Variants in ARL2 observed in about 807,000 individuals in gnomAD.
ARL2 encodes ADP-ribosylation factor-like protein 2.
A neutral mutation model predicts 22.0 loss-of-function variants in ARL2; 11 were observed. That is an observed-to-expected ratio of 0.50 (90% CI 0.31 to 0.83). The LOEUF (loss-of-function observed/expected upper bound fraction) is 0.83. Among genes scored for constraint, ARL2 ranks in the 40% least tolerant of loss-of-function variants. ARL2 has a pLI of 0.04. For missense variants in ARL2, 216 were observed against 243.2 expected (o/e 0.89, Z 0.74); for synonymous variants, 111 against 100.8 (o/e 1.10, Z -0.61).
At chr11:65,019,094 G>T (rs1590731238) in intron 3 of ARL2, 1 of 502,886 alleles carries the variant, frequency 2.0e-6, no homozygotes, top group East Asian at 6.6e-5. Flanking sequence ...GACCTCAGCT[G>T]GGGGTGGTGG....
rs558204819 is a variant in ARL2 at position 65,018,022 on chromosome 11, C to T, written c.66-342C>T. 3.3e-5 allele frequency among the ~76,000 whole-genome samples: 5 copies of T among 152,316 alleles called. No homozygotes were observed. The highest frequency in any genetic ancestry group is 9.6e-5 in the African/African-American group (4 of 41,560). On this transcript the variant is annotated intron_variant, in intron 1 of 4. Coordinates refer to ENST00000246747, the MANE Select transcript of ARL2 (RefSeq NM_001667.4). The surrounding 1 kb of genome is among the most constrained non-coding windows in gnomAD (Gnocchi z 4.2). ...GAAAGCCTCTCTGTTGTGTTGATGG[C>T]GCTAGCCGGGATCTGGCAGGGCCTT...
At chr11:65,016,281 A>C (rs1436316788) in intron 1 of ARL2, among the ~76,000 whole-genome samples, 1 of 143,308 alleles carries the variant, frequency 7.0e-6, no homozygotes, top group African/African-American at 2.6e-5. Flanking sequence ...GGGGGGGGGA[A>C]ACTTTAAAGC....
At chr11:65,021,506 AAG>A (rs1240134506) in intron 4 of ARL2, 3 of 502,490 alleles carry the variant, frequency 6.0e-6, no homozygotes, top group African/African-American at 5.7e-5. Flanking sequence ...TTACATCACT[AAG>A]GGGCAGCACT....
intron 1 of ARL2, among the ~76,000 whole-genome samples, 170 bp downstream of exon 1, chr11:65,014,442 C>T (rs1296905413): frequency 6.6e-6 from 1 of 152,174 alleles, no homozygotes; most frequent in African/African-American, 2.4e-5. Context: ...AGCCGCACCC[C>T]AGGACTGGGG....
chr11:65,015,612 C>T (rs548223069), intron 1 of ARL2, among the ~76,000 whole-genome samples: 1 of 152,122 alleles, frequency 6.6e-6, no homozygotes, highest in African/African-American at 2.4e-5. Flanking sequence ...GATGATAACA[C>T]AGGAAGTAAG....
chr11:65,021,668 C>A, intron 4 of ARL2, 53 bp from the exon 5 acceptor site: 1 of 1,543,216 alleles, frequency 6.5e-7, no homozygotes, highest in Non-Finnish European at 8.7e-7. Flanking sequence ...GGGCTGACGG[C>A]AGGCAGGGTC....
At chr11:65,016,029 A>C (rs1222022543) in intron 1 of ARL2, among the ~76,000 whole-genome samples, 5 of 152,016 alleles carry the variant, frequency 3.3e-5, no homozygotes, top group African/African-American at 1.2e-4. Context: ...CAACATGGTG[A>C]AATCCCGTCT....
At chr11:65,017,934 G>T (rs1034619050) in intron 1 of ARL2, among the ~76,000 whole-genome samples, 29 of 152,244 alleles carry the variant, frequency 1.9e-4, no homozygotes, top group African/African-American at 7.0e-4. Context: ...CTCAGCTCCA[G>T]ACACCTCAGA....
At chr11:65,015,756 A>G (rs1437787361) in intron 1 of ARL2, among the ~76,000 whole-genome samples, 1 of 152,088 alleles carries the variant, frequency 6.6e-6, no homozygotes, top group Non-Finnish European at 1.5e-5. Flanking sequence ...CTCTGTCTCT[A>G]TTTATACATA....
intron 4 of ARL2, 40 bp from the exon 5 acceptor site, chr11:65,021,681 C>A: frequency 6.4e-7 from 1 of 1,566,450 alleles, no homozygotes; most frequent in Non-Finnish European, 8.7e-7. Flanking sequence ...GCAGGGTCTG[C>A]AGTCACTGGC....
chr11:65,018,218 A>G lies in ARL2; in HGVS notation c.66-146A>G. On this transcript the variant is annotated intron_variant, in intron 1 of 4. Coordinates refer to ENST00000246747, the MANE Select transcript of ARL2 (RefSeq NM_001667.4). This position sits in a 1 kb window ranked among gnomAD's most constrained non-coding sequence, Gnocchi z 4.2. ...ATGATATTTATAATTTGATACTTTCATATTTATTGTGGGCCGATTATGGTC... is the reference window on the plus strand; with the variant it reads ...ATGATATTTATAATTTGATACTTTCGTATTTATTGTGGGCCGATTATGGTC... 1.6e-6 allele frequency: 1 copy of G among 644,874 alleles called. No individual in the cohort carries two copies. Among genetic ancestry groups the G allele is most frequent in the South Asian group, 2.0e-5 (1 of 50,702 alleles). The allele number at this position is 644,874 out of a possible 1,614,324, so 39.9% of individuals were successfully genotyped here.
Position 65,021,981 on chromosome 11 carries a change from C to A in ARL2, c.*126C>A. ...CCTCCTCCACCCCAGCCTGCTGCTG[C>A]TACTGCTGCCCGCTGCTGCTCTGTG... On this transcript the variant is annotated 3_prime_UTR_variant, in exon 5 of 5. Coordinates refer to ENST00000246747, the MANE Select transcript of ARL2 (RefSeq NM_001667.4). 7.3e-7 allele frequency: 1 copy of A among 1,365,234 alleles called. No individual in the cohort carries two copies. Among genetic ancestry groups the A allele is most frequent in the Non-Finnish European group, 9.9e-7 (1 of 1,008,388 alleles). 84.6% of individuals were successfully genotyped at this position (1,365,234 alleles called of 1,614,324 possible).
intron 4 of ARL2, 110 bp from the exon 5 acceptor site, chr11:65,021,611 C>T: frequency 7.3e-7 from 1 of 1,364,928 alleles, no homozygotes. Context: ...TGACATGGAG[C>T]AGGGCCTTGA....
In ARL2 at chr11:65,022,008, C is replaced by A; in HGVS notation, c.*153C>A. 1 of 1,154,110 alleles carries A rather than the reference C, an allele frequency of 8.7e-7. No individual in the cohort carries two copies. The highest frequency in any genetic ancestry group is 1.2e-6 in the Non-Finnish European group (1 of 829,850). The allele number at this position is 1,154,110 out of a possible 1,614,324, so 71.5% of individuals were successfully genotyped here. A position where few individuals can be genotyped will look rare whatever the true frequency, so the allele number is the denominator to read the frequency against. On this transcript the variant is annotated 3_prime_UTR_variant, in exon 5 of 5. Coordinates refer to ENST00000246747, the MANE Select transcript of ARL2 (RefSeq NM_001667.4). Reference sequence around the variant, plus strand: ...ACTGCTGCCCGCTGCTGCTCTGTGGCCACCCGGCTCCCATGGCGGGAGGGC... The same window carrying A: ...ACTGCTGCCCGCTGCTGCTCTGTGGACACCCGGCTCCCATGGCGGGAGGGC...
chr11:65,015,036 C>T (rs760333912), intron 1 of ARL2, among the ~76,000 whole-genome samples: 3 of 152,122 alleles, frequency 2.0e-5, no homozygotes, highest in African/African-American at 7.2e-5. Context: ...AGCTTCTAGG[C>T]TTAAGTGATC....
At position 65,018,278 on chromosome 11, in the gene ARL2, G is replaced by C; in HGVS notation, c.66-86G>C. 9.2e-7 allele frequency: 1 copy of C among 1,087,736 alleles called. No homozygotes were observed. The highest frequency in any genetic ancestry group is 1.3e-6 in the Non-Finnish European group (1 of 748,242). 67.4% of individuals were successfully genotyped at this position (1,087,736 alleles called of 1,614,324 possible). On this transcript the variant is annotated intron_variant, in intron 1 of 4. Coordinates refer to ENST00000246747, the MANE Select transcript of ARL2 (RefSeq NM_001667.4). This position sits in a 1 kb window ranked among gnomAD's most constrained non-coding sequence, Gnocchi z 4.2. ...CTCAACTCAGTTTGATACATGGTGGGAAATAATGAGTCCCCTAAGGGGCTC... is the reference window on the plus strand; with the variant it reads ...CTCAACTCAGTTTGATACATGGTGGCAAATAATGAGTCCCCTAAGGGGCTC...
chr11:65,021,987 C>G lies in ARL2; in HGVS notation c.*132C>G. On this transcript the variant is annotated 3_prime_UTR_variant, in exon 5 of 5. Coordinates refer to ENST00000246747, the MANE Select transcript of ARL2 (RefSeq NM_001667.4). ...CCACCCCAGCCTGCTGCTGCTACTGCTGCCCGCTGCTGCTCTGTGGCCACC... is the reference window on the plus strand; with the variant it reads ...CCACCCCAGCCTGCTGCTGCTACTGGTGCCCGCTGCTGCTCTGTGGCCACC... 7.6e-7 allele frequency: 1 copy of G among 1,316,454 alleles called. No individual in the cohort carries two copies. Among genetic ancestry groups the G allele is most frequent in the South Asian group, 1.4e-5 (1 of 70,916 alleles). The allele number at this position is 1,316,454 out of a possible 1,614,324, so 81.5% of individuals were successfully genotyped here.
In ARL2 at chr11:65,018,481, A is replaced by G. The variant is rs1311394490; in HGVS notation, c.176+7A>G. 1 of 1,606,062 alleles carries G rather than the reference A, an allele frequency of 6.2e-7. No individual in the cohort carries two copies. The highest frequency in any genetic ancestry group is 1.3e-5 in the African/African-American group (1 of 74,988). On this transcript the variant is annotated splice_region_variant and intron_variant, in intron 2 of 4. Coordinates refer to ENST00000246747, the MANE Select transcript of ARL2 (RefSeq NM_001667.4). The surrounding 1 kb of genome is among the most constrained non-coding windows in gnomAD (Gnocchi z 4.2). Reference sequence around the variant, plus strand: ...AGACCCTGGAGCACCGAGGGTGAGCAGGGGCCCCATGGGAGGGCCAGCCCA... The same window carrying G: ...AGACCCTGGAGCACCGAGGGTGAGCGGGGGCCCCATGGGAGGGCCAGCCCA...
Position 65,018,853 on chromosome 11 carries a change from C to G in ARL2, c.339+120C>G, listed in dbSNP as rs1173968667. 1.3e-6 allele frequency: 2 copies of G among 1,541,356 alleles called. No homozygotes were observed. The highest frequency in any genetic ancestry group is 1.7e-6 in the Non-Finnish European group (2 of 1,149,428). On this transcript the variant is annotated intron_variant, in intron 3 of 4. Transcript: ENST00000246747. This position sits in a 1 kb window ranked among gnomAD's most constrained non-coding sequence, Gnocchi z 4.2. ...AGGCAGGATCCCTTCCTTCTCTGGG[C>G]CCCCACCATGGGAGGCCCATGGTGC...
Sources: allele counts gnomAD v4.1 joint callset (sites outside exome capture counted in the v4.1 genomes callset), GRCh38; gene constraint gnomAD v4.1.1; non-coding constraint Gnocchi (gnomAD v3.1); transcripts MANE v1.5; gene names NCBI Gene and HGNC (gene_info 2026-07-23, HGNC 2026-07-21).